Variants in TUSC3 observed in about 807,000 individuals in gnomAD.
TUSC3 encodes tumor suppressor candidate 3.
Under a neutral mutation model 44.8 loss-of-function variants are expected in TUSC3, and 45 were observed. That is an observed-to-expected ratio of 1.00 (90% confidence interval 0.79 to 1.29). The LOEUF is 1.29. TUSC3 is among the 50% of genes most tolerant of loss of function. The pLI is 0.00. For missense variants in TUSC3, 519 were observed against 437.9 expected (o/e 1.19, Z -1.65); for synonymous variants, 212 against 152.9 (o/e 1.39, Z -2.85).
the TUSC3 span, among the ~76,000 whole-genome samples, chr8:15,797,187 G>A: frequency 6.6e-5 from 10 of 152,164 alleles, no homozygotes; most frequent in Non-Finnish European, 1.2e-4. Context: ...AATGGAAAGC[G>A]TATTTCAGTT....
At chr8:15,630,376 C>T (rs1392995531) in intron 2 of TUSC3, among the ~76,000 whole-genome samples, 4 of 152,032 alleles carry the variant, frequency 2.6e-5, no homozygotes, top group African/African-American at 9.7e-5. Flanking sequence ...AACATTTATT[C>T]TCTCCCAACA....
At chr8:15,498,946 C>T (rs1390053) in intron 2 of TUSC3, among the ~76,000 whole-genome samples, 37,798 of 152,078 alleles carry the variant, frequency 0.25, 5,102 homozygotes, top group Non-Finnish European at 0.31. Context: ...TCAACTGATA[C>T]AGGTGCCTTT....
chr8:15,547,924 A>G (rs1418931698), intron 1 of TUSC3, among the ~76,000 whole-genome samples: 1 of 151,804 alleles, frequency 6.6e-6, no homozygotes, highest in Non-Finnish European at 1.5e-5. Flanking sequence ...TAATAAATAT[A>G]CCAGTAAATA....
chr8:15,837,626 G>C, the TUSC3 span, among the ~76,000 whole-genome samples: 125,140 of 152,112 alleles, frequency 0.82, 51,698 homozygotes, highest in Non-Finnish European at 0.85. Context: ...TCTGCCAGCC[G>C]AACTCACATT....
intron 1 of TUSC3, among the ~76,000 whole-genome samples, chr8:15,438,010 C>T (rs1013293963): frequency 2.6e-5 from 4 of 152,180 alleles, no homozygotes; most frequent in African/African-American, 7.2e-5. Context: ...TACTTCTTAC[C>T]AGCAGGTTGT....
chr8:15,691,638 A>G (rs1197106970), intron 6 of TUSC3, among the ~76,000 whole-genome samples: 3 of 152,160 alleles, frequency 2.0e-5, no homozygotes, highest in African/African-American at 7.2e-5. Context: ...TGATGTTGGC[A>G]GTGGGTTTTT....
In TUSC3 at chr8:15,424,608, C is replaced by T. The variant is rs530702491; in HGVS notation, n.91+7303C>T. 9.2e-5 allele frequency among the ~76,000 whole-genome samples: 14 copies of T among 152,264 alleles called. 1 individual carries two copies. Among genetic ancestry groups the T allele is most frequent in the African/African-American group, 4.8e-5 (2 of 41,566 alleles). On this transcript the variant is annotated intron_variant and non_coding_transcript_variant, in intron 1 of 5. Transcript: ENST00000503191. ...TTAAAAAATCGTTAGTGGCTGGATG[C>T]GGTGGCTTACGCCTGTAATCCCAGC...
rs1313318142 is a variant in TUSC3, at chr8:15,543,885, G to C, written c.138+3317G>C. 2.0e-5 allele frequency among the ~76,000 whole-genome samples: 3 copies of C among 150,112 alleles called. No individual in the cohort carries two copies. The Admixed American group carries it at 2.0e-4, about 10-fold the overall frequency. ...TCCCAGGAAGAGATTTGGTATCATA[G>C]AAGACTTGGTGATATCCCATGGATT... On this transcript the variant is annotated intron_variant, in intron 1 of 10. Transcript: ENST00000503731.
intron 6 of TUSC3, among the ~76,000 whole-genome samples, chr8:15,686,834 C>T (rs770119217): frequency 6.6e-6 from 1 of 151,832 alleles, no homozygotes; most frequent in Non-Finnish European, 1.5e-5. Context: ...TTTAGGAGGC[C>T]GAGTTTGGCG....
chr8:15,710,518 AT>A (rs150270320), intron 6 of TUSC3, among the ~76,000 whole-genome samples: 31,291 of 151,562 alleles, frequency 0.21, 3,284 homozygotes, highest in South Asian at 0.23. Flanking sequence ...TGGGCCACAA[AT>A]TCCTATGGCA....
At chr8:15,616,866 C>T (rs1042093288) in intron 1 of TUSC3, among the ~76,000 whole-genome samples, 2 of 152,060 alleles carry the variant, frequency 1.3e-5, no homozygotes, top group Non-Finnish European at 2.9e-5. Flanking sequence ...CATGCCTGGC[C>T]CAGCCACAGG....
chr8:15,647,579 T>C (rs935435292), intron 2 of TUSC3, among the ~76,000 whole-genome samples: 4 of 152,194 alleles, frequency 2.6e-5, no homozygotes, highest in Admixed American at 2.6e-4. Flanking sequence ...TTACGTCTTC[T>C]CTCCGTGCTA....
chr8:15,599,155 C>G (rs967904716), intron 1 of TUSC3, among the ~76,000 whole-genome samples: 6 of 151,676 alleles, frequency 4.0e-5, no homozygotes, highest in Non-Finnish European at 8.9e-5. Context: ...TTATAATTGT[C>G]TTAATTTGCA....
At chr8:15,581,617 A>T (rs181688504) in intron 1 of TUSC3, among the ~76,000 whole-genome samples, 7,457 of 149,588 alleles carry the variant, frequency 0.05, 376 homozygotes, top group African/African-American at 0.11. Flanking sequence ...GGTGCCTCCC[A>T]GTTAGGCTGC....
chr8:15,541,004 G>A (rs1801670435), intron 1 of TUSC3, among the ~76,000 whole-genome samples: 1 of 152,188 alleles, frequency 6.6e-6, no homozygotes, highest in Admixed American at 6.5e-5. Flanking sequence ...TGCAGAGTGT[G>A]TTTTAAGTTA....
the TUSC3 span, among the ~76,000 whole-genome samples, chr8:15,842,023 A>G: frequency 6.6e-6 from 1 of 152,214 alleles, no homozygotes; most frequent in African/African-American, 2.4e-5. Context: ...TGGCAATTTT[A>G]GTGACTTGCT....
intron 2 of TUSC3, among the ~76,000 whole-genome samples, chr8:15,635,137 G>A (rs1302002595): frequency 6.6e-6 from 1 of 152,112 alleles, no homozygotes; most frequent in East Asian, 1.9e-4. Context: ...GTCAAGGAAG[G>A]AAAGGAAGCA....
At chr8:15,627,640 C>A (rs1355508319) in intron 2 of TUSC3, among the ~76,000 whole-genome samples, 1 of 152,230 alleles carries the variant, frequency 6.6e-6, no homozygotes, top group Non-Finnish European at 1.5e-5. Context: ...CCTGTGGTTT[C>A]TGGTGTCTCC....
intron 6 of TUSC3, among the ~76,000 whole-genome samples, chr8:15,721,514 G>A (rs1478630992): frequency 6.6e-6 from 1 of 151,990 alleles, no homozygotes; most frequent in Non-Finnish European, 1.5e-5. Flanking sequence ...TGATGTGACA[G>A]CTACAAAAGT....
Sources: allele counts gnomAD v4.1 joint callset (sites outside exome capture counted in the v4.1 genomes callset), GRCh38; gene constraint gnomAD v4.1.1; transcripts MANE v1.5; gene names NCBI Gene and HGNC (gene_info 2026-07-23, HGNC 2026-07-21).